The following RAB8A variants were observed in gnomAD, a reference collection of about 807,000 sequenced individuals.
RAB8A encodes the protein ras-related protein Rab-8A.
Under a neutral mutation model 29.2 loss-of-function variants are expected in RAB8A, and 5 were observed. The ratio of observed to expected loss-of-function variants is 0.17; its 90% confidence interval spans 0.09 to 0.36. The LOEUF (loss-of-function observed/expected upper bound fraction) is 0.36, where lower values mean the gene tolerates loss of function less well. Among genes scored for constraint, RAB8A ranks in the 10% least tolerant of loss-of-function variants. The pLI, the probability that RAB8A is intolerant of heterozygous loss-of-function variation, is 1.00. For missense variants in RAB8A, 171 were observed against 272.2 expected (o/e 0.63, Z 2.62); for synonymous variants, 108 against 99.9 (o/e 1.08, Z -0.49).
intron 1 of RAB8A, among the ~76,000 whole-genome samples, chr19:16,116,805 A>G (rs2090847688): frequency 6.6e-6 from 1 of 151,178 alleles, no homozygotes; most frequent in Non-Finnish European, 1.5e-5. Context: ...ACTGCACTCC[A>G]GGCTAGCCAA....
rs903005388 is a variant in RAB8A, at chr19:16,121,780, G to T, written c.216G>T (p.Thr72=). The T allele has an allele frequency of 2.5e-6, 4 of 1,614,016 alleles. No individual in the cohort carries two copies. The highest frequency in any genetic ancestry group is 2.2e-5 in the East Asian group (1 of 44,876). The stretch of plus-strand genomic sequence containing the variant: ...CAGCCGGTCAGGAACGGTTTCGGAC[G>T]ATCACAACGGCCTACTACAGGGGTG... ...WDTAGQERFR[T]ITTAYYRGAM... The change falls in exon 3 of 8, where the codon ACG becomes ACT. Residue 72 remains threonine, a synonymous_variant. Coordinates refer to ENST00000300935, the MANE Select transcript of RAB8A (RefSeq NM_005370.5).
In RAB8A at chr19:16,127,487, G is replaced by A. The variant is rs372506210; in HGVS notation, c.375G>A (p.Val125=). The A allele has an allele frequency of 3.8e-5, 59 of 1,539,110 alleles. No homozygotes were observed. Among genetic ancestry groups the A allele is most frequent in the Non-Finnish European group, 5.0e-5 (57 of 1,147,658 alleles). The change falls in exon 5 of 8, where the codon GTG becomes GTA. Residue 125 remains valine, a synonymous_variant. Transcript: ENST00000300935. The surrounding 1 kb of genome is among the most constrained non-coding windows in gnomAD (Gnocchi z 4.8). Reference sequence around the variant, plus strand: ...TGATACTCGGGAACAAGTGTGATGTGAATGACAAGAGACAAGTTTCCAAGG... The same window carrying A: ...TGATACTCGGGAACAAGTGTGATGTAAATGACAAGAGACAAGTTTCCAAGG... The part of the protein sequence containing the change: ...EKMILGNKCD[V]NDKRQVSKER...
Position 16,132,143 on chromosome 19 carries a change from T to C in RAB8A, c.532-69T>C. 1 of 1,225,682 alleles carries C rather than the reference T, an allele frequency of 8.2e-7. No individual in the cohort carries two copies. Among genetic ancestry groups the C allele is most frequent in the South Asian group, 1.2e-5 (1 of 81,760 alleles). 75.9% of individuals were successfully genotyped at this position (1,225,682 alleles called of 1,614,324 possible). A position where few individuals can be genotyped will look rare whatever the true frequency, so the allele number is the denominator to read the frequency against. On this transcript the variant is annotated intron_variant, in intron 7 of 7. Coordinates refer to ENST00000300935, the MANE Select transcript of RAB8A (RefSeq NM_005370.5). The surrounding 1 kb of genome is among the most constrained non-coding windows in gnomAD (Gnocchi z 5.6). ...ATGGTTAGGTGGATGGTTAGGTGGATGGCTGGTTGATTGTGAGACGTAGTG... is the reference window on the plus strand; with the variant it reads ...ATGGTTAGGTGGATGGTTAGGTGGACGGCTGGTTGATTGTGAGACGTAGTG...
chr19:16,114,078 G>A (rs985655308), intron 1 of RAB8A, among the ~76,000 whole-genome samples: 10 of 151,876 alleles, frequency 6.6e-5, no homozygotes, highest in Non-Finnish European at 1.3e-4. Flanking sequence ...ATTCAGCCTG[G>A]GCAACATGGC....
chr19:16,121,306 C>T (rs1478749763), intron 2 of RAB8A, among the ~76,000 whole-genome samples: 1 of 152,172 alleles, frequency 6.6e-6, no homozygotes, highest in East Asian at 1.9e-4. Context: ...CAGGCATCAC[C>T]TCCCGGGCAA....
intron 1 of RAB8A, among the ~76,000 whole-genome samples, chr19:16,116,610 G>A (rs567305013): frequency 2.2e-4 from 34 of 152,300 alleles, no homozygotes; most frequent in African/African-American, 8.2e-4. Flanking sequence ...GCTGAGGTGG[G>A]CAGATCACGA....
intron 6 of RAB8A, among the ~76,000 whole-genome samples, chr19:16,128,982 C>A (rs1205865315): frequency 1.3e-5 from 2 of 152,192 alleles, no homozygotes; most frequent in African/African-American, 4.8e-5. Context: ...GCTGTGACAG[C>A]AGCTCAACCC....
rs2090928738 is a variant in RAB8A at position 16,132,288 on chromosome 19, G to A, written c.608G>A (p.Arg203Gln). ...CAGCAGAAGAGGAGCAGCTTTTTCC[G>A]ATGTGTTCTTCTGTGAGGAACACCG... ...PDQQKRSSFF[R>Q]CVLL The change falls in exon 8 of 8, where the codon CGA (arginine) becomes CAA (glutamine). Residue 203 changes from arginine (R) to glutamine (Q), a missense_variant. Coordinates refer to ENST00000300935, the MANE Select transcript of RAB8A (RefSeq NM_005370.5). The surrounding 1 kb of genome is among the most constrained non-coding windows in gnomAD (Gnocchi z 5.6). The A allele has an allele frequency of 1.2e-6, 2 of 1,613,916 alleles. No homozygotes were observed. Among genetic ancestry groups the A allele is most frequent in the Non-Finnish European group, 1.7e-6 (2 of 1,179,960 alleles).
At chr19:16,124,711 G>GCCCC (rs111343158) in intron 3 of RAB8A, 108 of 135,282 alleles carry the variant, frequency 8.0e-4, no homozygotes, top group Non-Finnish European at 1.1e-3. Flanking sequence ...TTTGGAGTTA[G>GCCCC]CCCCCCCCCG....
rs753016512 is a variant in RAB8A at position 16,121,760 on chromosome 19, G to A, written c.196G>A (p.Gly66Ser). The A allele has an allele frequency of 1.9e-6, 3 of 1,613,850 alleles. No individual in the cohort carries two copies. The highest frequency in any genetic ancestry group is 1.7e-6 in the Non-Finnish European group (2 of 1,179,756). Residue 66 changes from glycine to serine, a missense_variant, in exon 3 of 8, where the codon GGT (glycine) becomes AGT (serine). Gly to Ser is a moderately conservative substitution (Grantham distance 56). This residue lies in a region of RAB8A where 145 missense variants were observed against 212.8 expected (regional missense o/e 0.68). Transcript: ENST00000300935. ...RIKLQIWDTA[G>S]QERFRTITTA... The stretch of plus-strand genomic sequence containing the variant: ...TCTCTTCATGTTTAGGGACACAGCC[G>A]GTCAGGAACGGTTTCGGACGATCAC...
intron 2 of RAB8A, among the ~76,000 whole-genome samples, chr19:16,120,478 A>G (rs1007140045): frequency 4.6e-5 from 7 of 151,358 alleles, no homozygotes; most frequent in Non-Finnish European, 1.5e-5. Flanking sequence ...ATGCCTGGCT[A>G]ACTTTTGTAT....
rs1406369079 is a variant in RAB8A, at chr19:16,125,172, G to A, written c.247-298G>A. On this transcript the variant is annotated intron_variant, in intron 3 of 7. Coordinates refer to ENST00000300935, the MANE Select transcript of RAB8A (RefSeq NM_005370.5). The surrounding 1 kb of genome is among the most constrained non-coding windows in gnomAD (Gnocchi z 5.0). ...CACCACCCCGTGGGCCATGAGGGGA[G>A]CCAGCCGGGCTTGTCAGCGAGTGCG... 1.6e-5 allele frequency: 8 copies of A among 492,374 alleles called. No individual in the cohort carries two copies. The East Asian group carries it at 2.9e-4, about 18-fold the overall frequency. 30.5% of individuals were successfully genotyped at this position (492,374 alleles called of 1,614,324 possible).
chr19:16,124,947 C>T (rs1035462539), intron 3 of RAB8A: 2 of 190,674 alleles, frequency 1.0e-5, no homozygotes, highest in East Asian at 1.2e-4. Context: ...TTCACACAGC[C>T]GGTTCCCTCT....
chr19:16,122,880 G>A lies in RAB8A; in HGVS notation c.246+1070G>A, dbSNP rs1294668005. On this transcript the variant is annotated intron_variant, in intron 3 of 7. Transcript: ENST00000300935. This position sits in a 1 kb window ranked among gnomAD's most constrained non-coding sequence, Gnocchi z 4.7. ...GTTCTCTGGTGGAGGGTGGGCAGGCGGCCTGAGGGCACTGGGGTCTTGGGG... is the reference window on the plus strand; with the variant it reads ...GTTCTCTGGTGGAGGGTGGGCAGGCAGCCTGAGGGCACTGGGGTCTTGGGG... Among the ~76,000 whole-genome samples the A allele has an allele frequency of 6.6e-6, 1 of 152,100 alleles. No homozygotes were observed. The highest frequency in any genetic ancestry group is 2.4e-5 in the African/African-American group (1 of 41,408).
At chr19:16,128,233 C>A in intron 6 of RAB8A, 142 bp downstream of exon 6, 1 of 883,516 alleles carries the variant, frequency 1.1e-6, no homozygotes. Flanking sequence ...CTCTGAGGGA[C>A]ATTTCCTGGG....
chr19:16,113,594 G>A (rs1035281074), intron 1 of RAB8A, among the ~76,000 whole-genome samples: 1 of 152,212 alleles, frequency 6.6e-6, no homozygotes, highest in South Asian at 2.1e-4. Context: ...TAAATACAGG[G>A]TTTCACTGTG....
intron 2 of RAB8A, among the ~76,000 whole-genome samples, chr19:16,118,668 C>G (rs1022143816): frequency 6.6e-6 from 1 of 152,212 alleles, no homozygotes; most frequent in African/African-American, 2.4e-5. Flanking sequence ...CCGAGAGTTT[C>G]CTTTTGAGCC....
chr19:16,113,949 C>T (rs546302198), intron 1 of RAB8A, among the ~76,000 whole-genome samples: 1 of 152,180 alleles, frequency 6.6e-6, no homozygotes, highest in Non-Finnish European at 1.5e-5. Flanking sequence ...ATGAATGGCT[C>T]CTGCAGTGAC....
At chr19:16,126,085 C>G (rs1431758551) in intron 4 of RAB8A, 2 of 196,140 alleles carry the variant, frequency 1.0e-5, no homozygotes, top group African/African-American at 4.5e-5. Context: ...ACCCCCAAAG[C>G]CTTCCTGGCT....
Sources: gnomAD v4.1 joint callset for allele counts (sites outside exome capture counted in the v4.1 genomes callset) on GRCh38, gnomAD v4.1.1 for gene constraint, gnomAD v4.1.1 regional missense constraint, Gnocchi (gnomAD v3.1) non-coding constraint, MANE v1.5 for transcripts, NCBI Gene and HGNC (gene_info 2026-07-23, HGNC 2026-07-21) for gene names.